Variants in PRDM16 observed in about 807,000 individuals in gnomAD.
PRDM16 encodes histone-lysine N-methyltransferase PRDM16.
Under a neutral mutation model 110.6 loss-of-function variants are expected in PRDM16, and 23 were observed. The ratio of observed to expected loss-of-function variants is 0.21; its 90% CI spans 0.15 to 0.29. The LOEUF (loss-of-function observed/expected upper bound fraction) is 0.29. PRDM16 is among the 10% of genes least tolerant of loss of function. The probability of loss-of-function intolerance (pLI) is 1.00; values close to 1 mark genes in which losing one functional copy is unlikely to be tolerated. For missense variants in PRDM16, 1,615 were observed against 1,794.3 expected, an observed-to-expected ratio of 0.90 and a Z score of 1.81; for synonymous variants, 799 against 781.8, an observed-to-expected ratio of 1.02 and a Z score of -0.37.
intron 1 of PRDM16, among the ~76,000 whole-genome samples, chr1:3,094,767 C>G (rs908651103): frequency 1.3e-5 from 2 of 152,226 alleles, no homozygotes; most frequent in Non-Finnish European, 2.9e-5. Flanking sequence ...GCAAGGCCTT[C>G]GGGTGCTTCC....
rs1642030826 is a variant in PRDM16, at chr1:3,081,621, A to C, written c.37+12325A>C. Among the ~76,000 whole-genome samples, 1 of 152,094 alleles carries C rather than the reference A, an allele frequency of 6.6e-6. No homozygotes were observed. Among genetic ancestry groups the C allele is most frequent in the Admixed American group, 6.5e-5 (1 of 15,282 alleles). ...CTTCCTTCTGTGAGCACGGGGGGTG[A>C]GCAGTGGGCAGCTCCAGGAAGCCTT... is the stretch of plus-strand genomic sequence containing the variant. On this transcript the variant is annotated intron_variant, in intron 1 of 16. Coordinates refer to ENST00000270722, the MANE Select transcript of PRDM16 (RefSeq NM_022114.4). This position sits in a 1 kb window ranked among gnomAD's most constrained non-coding sequence, Gnocchi z 4.6.
chr1:3,135,975 C>T (rs1403765001), intron 1 of PRDM16, among the ~76,000 whole-genome samples: 3 of 152,130 alleles, frequency 2.0e-5, no homozygotes, highest in Non-Finnish European at 4.4e-5. Context: ...TGGGCGTCTC[C>T]CTTTGTTTTT....
intron 2 of PRDM16, among the ~76,000 whole-genome samples, chr1:3,188,321 G>A (rs1398148772): frequency 6.6e-6 from 1 of 152,188 alleles, no homozygotes; most frequent in Admixed American, 6.5e-5. Flanking sequence ...CACTTTGGAT[G>A]ACCTTCAGGT....
chr1:3,221,326 C>A (rs577667996), intron 2 of PRDM16, among the ~76,000 whole-genome samples: 1 of 152,340 alleles, frequency 6.6e-6, no homozygotes, highest in African/African-American at 2.4e-5. Context: ...AAGTCATGAG[C>A]CTCTCTGAGC....
At chr1:3,296,763 G>T (rs189547440) in intron 3 of PRDM16, among the ~76,000 whole-genome samples, 14 of 152,346 alleles carry the variant, frequency 9.2e-5, no homozygotes, top group African/African-American at 3.4e-4. Context: ...GAATCTTTTC[G>T]TGGAACTCTC....
intron 1 of PRDM16, among the ~76,000 whole-genome samples, chr1:3,142,469 G>A (rs530041457): frequency 6.6e-6 from 1 of 152,226 alleles, no homozygotes; most frequent in East Asian, 1.9e-4. Flanking sequence ...TTGACCTTTT[G>A]GCATTGCTCC....
intron 2 of PRDM16, among the ~76,000 whole-genome samples, chr1:3,217,728 T>TC (rs1639062944): frequency 6.6e-6 from 1 of 152,194 alleles, no homozygotes; most frequent in Admixed American, 6.5e-5. Flanking sequence ...ATCTTTTTTT[T>TC]CAACACGGGA....
chr1:3,087,965 C>A (rs1472633262), intron 1 of PRDM16, among the ~76,000 whole-genome samples: 1 of 152,050 alleles, frequency 6.6e-6, no homozygotes, highest in South Asian at 2.1e-4. Context: ...CCCCGAGACA[C>A]CCCTGCTCTT....
At chr1:3,410,736 A>G (rs1364876107) in intron 8 of PRDM16, among the ~76,000 whole-genome samples, 1 of 152,162 alleles carries the variant, frequency 6.6e-6, no homozygotes, top group Non-Finnish European at 1.5e-5. Flanking sequence ...CACCCCTGCT[A>G]GAACAGCTGC....
At chr1:3,280,962 G>A (rs1320902423) in intron 3 of PRDM16, among the ~76,000 whole-genome samples, 1 of 152,176 alleles carries the variant, frequency 6.6e-6, no homozygotes, top group Admixed American at 6.5e-5. Flanking sequence ...CTGAATCTGG[G>A]AGGCCGAGTG....
chr1:3,367,731 TG>T (rs1216491312), intron 3 of PRDM16, among the ~76,000 whole-genome samples: 1 of 152,232 alleles, frequency 6.6e-6, no homozygotes, highest in Admixed American at 6.5e-5. Flanking sequence ...CTTACACTTC[TG>T]AATGTATGTT....
intron 1 of PRDM16, among the ~76,000 whole-genome samples, chr1:3,079,614 G>T (rs1019580860): frequency 3.3e-5 from 5 of 152,212 alleles, no homozygotes; most frequent in African/African-American, 1.2e-4. Flanking sequence ...TCACCCGCAG[G>T]CTCTTATTCC....
At chr1:3,329,879 G>A (rs562788004) in intron 3 of PRDM16, among the ~76,000 whole-genome samples, 1 of 152,386 alleles carries the variant, frequency 6.6e-6, no homozygotes, top group East Asian at 1.9e-4. Flanking sequence ...GGTGCCCATG[G>A]CTGAGCTTGT....
intron 3 of PRDM16, among the ~76,000 whole-genome samples, chr1:3,254,173 G>A (rs1375600118): frequency 6.6e-6 from 1 of 152,082 alleles, no homozygotes; most frequent in Non-Finnish European, 1.5e-5. Flanking sequence ...TCACTCTGAT[G>A]GTAGTTTCTT....
intron 4 of PRDM16, among the ~76,000 whole-genome samples, chr1:3,385,855 C>T (rs530697640): frequency 6.6e-6 from 1 of 152,300 alleles, no homozygotes; most frequent in African/African-American, 2.4e-5. Flanking sequence ...CCTTCACTTC[C>T]GTCCCTGCCA....
At position 3,376,847 on chromosome 1, in the gene PRDM16, G is replaced by A. The variant is rs150234525; in HGVS notation, c.439-8305G>A. 7.9e-4 allele frequency among the ~76,000 whole-genome samples: 119 copies of A among 150,624 alleles called. 1 individual carries two copies. In the East Asian group the frequency reaches 0.023, roughly 30 times the overall value. ...GACCAGGCCTCCTGTGTCCCTGGCC[G>A]TGGTGTGGCCCCATCCCACCAGCCA... On this transcript the variant is annotated intron_variant, in intron 3 of 16. Transcript: ENST00000270722.
chr1:3,232,458 T>C (rs930305076), intron 2 of PRDM16, among the ~76,000 whole-genome samples: 10 of 152,242 alleles, frequency 6.6e-5, no homozygotes, highest in Admixed American at 2.0e-4. Context: ...TTAGCTGTTA[T>C]TATTATCATT....
intron 1 of PRDM16, among the ~76,000 whole-genome samples, chr1:3,166,208 G>C (rs1569738313): frequency 6.6e-6 from 1 of 152,256 alleles, no homozygotes; most frequent in Non-Finnish European, 1.5e-5. Flanking sequence ...TTGCTTAGCA[G>C]AGAAAATCAA....
intron 2 of PRDM16, among the ~76,000 whole-genome samples, chr1:3,218,306 A>G (rs998224907): frequency 5.3e-5 from 8 of 152,218 alleles, no homozygotes; most frequent in Non-Finnish European, 1.2e-4. Context: ...AACCCAGCAG[A>G]AAGAATTATT....
Sources: gnomAD v4.1 joint callset for allele counts (sites outside exome capture counted in the v4.1 genomes callset) on GRCh38, gnomAD v4.1.1 for gene constraint, Gnocchi (gnomAD v3.1) non-coding constraint, MANE v1.5 for transcripts, NCBI Gene and HGNC (gene_info 2026-07-23, HGNC 2026-07-21) for gene names.